Variants in EPHA3 observed in about 807,000 individuals in gnomAD.
The protein encoded by EPHA3 is EPH receptor A3.
A neutral mutation model predicts 107.1 loss-of-function variants in EPHA3; 42 were observed. That is an observed-to-expected ratio of 0.39 (90% CI 0.31 to 0.51). EPHA3 has a LOEUF of 0.51. Ranked by LOEUF, EPHA3 falls within the 20% of genes least tolerant of loss-of-function variation. The pLI is 0.78. For missense variants in EPHA3, 1,183 were observed against 1,211.2 expected, an observed-to-expected ratio of 0.98 and a Z score of 0.35; for synonymous variants, 461 against 424.8, an observed-to-expected ratio of 1.09 and a Z score of -1.05.
In EPHA3 at chr3:89,285,312, T is replaced by C. The variant is rs555346735; in HGVS notation, c.815-55604T>C. On this transcript the variant is annotated intron_variant, in intron 3 of 16. Coordinates refer to ENST00000336596, the MANE Select transcript of EPHA3 (RefSeq NM_005233.6). ...GTTTACCTTCATTTACTCTTTCATT[T>C]ACTCAGTAAATATTGGGAAAACACT... 2.6e-4 allele frequency among the ~76,000 whole-genome samples: 40 copies of C among 152,292 alleles called. No homozygotes were observed. In the South Asian group the frequency reaches 5.0e-3, roughly 19 times the overall value.
intron 5 of EPHA3, among the ~76,000 whole-genome samples, chr3:89,390,050 G>A (rs1158903979): frequency 6.6e-6 from 1 of 151,948 alleles, no homozygotes; most frequent in Non-Finnish European, 1.5e-5. Context: ...GAAGTGTGGT[G>A]GTGTCATCTT....
At chr3:89,141,598 G>A (rs1308962905) in intron 2 of EPHA3, among the ~76,000 whole-genome samples, 1 of 151,520 alleles carries the variant, frequency 6.6e-6, no homozygotes, top group East Asian at 1.9e-4. Flanking sequence ...CTTGTCCAAA[G>A]ATCACACTTT....
At chr3:89,245,518 C>A (rs1378670293) in intron 3 of EPHA3, among the ~76,000 whole-genome samples, 1 of 152,066 alleles carries the variant, frequency 6.6e-6, no homozygotes, top group Admixed American at 6.5e-5. Context: ...AAGTTATTTT[C>A]AGCTTGATTT....
intron 11 of EPHA3, among the ~76,000 whole-genome samples, chr3:89,424,861 A>G (rs958213112): frequency 6.6e-6 from 1 of 151,538 alleles, no homozygotes; most frequent in African/African-American, 2.4e-5. Flanking sequence ...TTTCAAGTTA[A>G]GCATAAATAA....
chr3:89,358,666 T>C (rs939016144), intron 5 of EPHA3, among the ~76,000 whole-genome samples: 1 of 151,136 alleles, frequency 6.6e-6, no homozygotes, highest in African/African-American at 2.4e-5. Context: ...GTGAAAGAGA[T>C]TGGTCTTGAA....
intron 3 of EPHA3, among the ~76,000 whole-genome samples, chr3:89,270,982 G>C (rs886289682): frequency 4.0e-5 from 6 of 151,880 alleles, no homozygotes; most frequent in African/African-American, 1.5e-4. Context: ...GGGAGGGATT[G>C]GTCTTAATAA....
intron 2 of EPHA3, among the ~76,000 whole-genome samples, chr3:89,187,710 G>GTGTA (rs1282442459): frequency 6.6e-6 from 1 of 152,066 alleles, no homozygotes; most frequent in African/African-American, 2.4e-5. Flanking sequence ...GCGAGAGTGT[G>GTGTA]TGTATGTATA....
In EPHA3 at chr3:89,142,416, T is replaced by C. The variant is rs80022702; in HGVS notation, c.153+15143T>C. Among the ~76,000 whole-genome samples, 1,082 of 151,498 alleles carry C rather than the reference T, an allele frequency of 7.1e-3. 12 individuals carry two copies. Among genetic ancestry groups the C allele is most frequent in the African/African-American group, 0.025 (1,048 of 41,448 alleles). On this transcript the variant is annotated intron_variant, in intron 2 of 16. Coordinates refer to ENST00000336596, the MANE Select transcript of EPHA3 (RefSeq NM_005233.6). ...CTGTAAATAAACAGAGCATGAAACC[T>C]CTCAAGGCACTTATAAGTAAATGAG...
chr3:89,147,314 A>C (rs748278265), intron 2 of EPHA3, among the ~76,000 whole-genome samples: 2 of 151,856 alleles, frequency 1.3e-5, no homozygotes, highest in Non-Finnish European at 2.9e-5. Flanking sequence ...ACAAACCTGC[A>C]CGTTCTGCAC....
chr3:89,393,903 A>C (rs1357842075), intron 5 of EPHA3, among the ~76,000 whole-genome samples: 1 of 152,166 alleles, frequency 6.6e-6, no homozygotes, highest in Admixed American at 6.5e-5. Context: ...TTTGCTTGGA[A>C]TCAATTTTAG....
intron 13 of EPHA3, among the ~76,000 whole-genome samples, chr3:89,447,207 G>T (rs1296732973): frequency 6.6e-6 from 1 of 152,096 alleles, no homozygotes; most frequent in Non-Finnish European, 1.5e-5. Flanking sequence ...AACTTCCGAG[G>T]CTATCTTTTC....
chr3:89,156,485 G>T (rs1704809147), intron 2 of EPHA3, among the ~76,000 whole-genome samples: 2 of 152,030 alleles, frequency 1.3e-5, no homozygotes, highest in Non-Finnish European at 2.9e-5. Flanking sequence ...TCTGTGTGGA[G>T]GGGGTTATTT....
At position 89,189,360 on chromosome 3, in the gene EPHA3, C is replaced by T. The variant is rs546406338; in HGVS notation, c.154-20500C>T. On this transcript the variant is annotated intron_variant, in intron 2 of 16. Transcript: ENST00000336596. ...CTGTAATCCCAGCACTTTGGGAGGC[C>T]AAGGCAGGGGGATCACGAGGTCAAG... Among the ~76,000 whole-genome samples the T allele has an allele frequency of 8.0e-4, 122 of 151,784 alleles. 1 individual carries two copies. The highest frequency in any genetic ancestry group is 6.2e-4 in the Non-Finnish European group (42 of 67,900).
chr3:89,157,696 T>C (rs1242438065), intron 2 of EPHA3, among the ~76,000 whole-genome samples: 2 of 151,950 alleles, frequency 1.3e-5, no homozygotes, highest in Non-Finnish European at 2.9e-5. Flanking sequence ...TGTATATTGA[T>C]TTCACAATTG....
At chr3:89,181,013 T>C (rs1253111795) in intron 2 of EPHA3, among the ~76,000 whole-genome samples, 1 of 151,952 alleles carries the variant, frequency 6.6e-6, no homozygotes, top group Non-Finnish European at 1.5e-5. Context: ...CTCCAACACA[T>C]AGTATGAAAA....
chr3:89,256,237 T>C (rs1046803814), intron 3 of EPHA3, among the ~76,000 whole-genome samples: 4 of 150,322 alleles, frequency 2.7e-5, no homozygotes, highest in African/African-American at 7.4e-5. Context: ...GGCAGTAGAG[T>C]GAGACTCTCT....
intron 15 of EPHA3, among the ~76,000 whole-genome samples, chr3:89,456,547 T>A (rs896380389): frequency 1.3e-5 from 2 of 152,218 alleles, no homozygotes; most frequent in African/African-American, 4.8e-5. Context: ...TCATTTCACT[T>A]TTCAGCCTTC....
chr3:89,452,311 C>T (rs1366135154), intron 15 of EPHA3, among the ~76,000 whole-genome samples: 1 of 152,146 alleles, frequency 6.6e-6, no homozygotes, highest in Admixed American at 6.6e-5. Flanking sequence ...TTCCAATTTA[C>T]ATTCCCTTAC....
chr3:89,183,970 A>G (rs1475931235), intron 2 of EPHA3, among the ~76,000 whole-genome samples: 2 of 152,028 alleles, frequency 1.3e-5, no homozygotes, highest in African/African-American at 4.8e-5. Flanking sequence ...TTCTATGACT[A>G]TAAAAATTTT....
Sources: allele counts gnomAD v4.1 joint callset (sites outside exome capture counted in the v4.1 genomes callset), GRCh38; gene constraint gnomAD v4.1.1; transcripts MANE v1.5; gene names NCBI Gene and HGNC (gene_info 2026-07-23, HGNC 2026-07-21).